NOPCHAP1: variants seen among roughly 807,000 people sequenced by gnomAD.
The protein encoded by NOPCHAP1 is NOP protein chaperone 1.
In NOPCHAP1, 13 loss-of-function variants were observed where a neutral mutation model predicts 14.0. The observed-to-expected ratio is 0.93, with a 90% confidence interval of 0.60 to 1.47. The LOEUF is 1.47. Among genes scored for constraint, NOPCHAP1 ranks in the 40% most tolerant of loss-of-function variants. The probability of loss-of-function intolerance (pLI) is 0.00; values close to 1 mark genes in which losing one functional copy is unlikely to be tolerated. For synonymous variants in NOPCHAP1, 78 were observed against 78.4 expected (o/e 1.00, Z 0.03); for missense variants, 230 against 226.9 (o/e 1.01, Z -0.09).
At position 105,005,731 on chromosome 12, in the gene NOPCHAP1, A is replaced by G. The variant is rs7134342; in HGVS notation, c.*11035A>G. 47,776 of 152,118 alleles carry G rather than the reference A, an allele frequency of 0.31. 9,073 individuals are homozygous for G. The highest frequency in any genetic ancestry group is 0.53 in the African/African-American group (21,880 of 41,462). 9.4% of individuals were successfully genotyped at this position (152,118 alleles called of 1,614,324 possible). ...AGGAAGTCAGTGCGAATTGGCCTTAAGTTCCCTGCCTCCAGGCCCTATTCT... is the reference window on the plus strand; with the variant it reads ...AGGAAGTCAGTGCGAATTGGCCTTAGGTTCCCTGCCTCCAGGCCCTATTCT... On this transcript the variant is annotated 3_prime_UTR_variant, in exon 4 of 4. Coordinates refer to ENST00000552951, the MANE Select transcript of NOPCHAP1 (RefSeq NM_152318.3).
In NOPCHAP1 at chr12:105,001,584, C is replaced by T. The variant is rs1873611811; in HGVS notation, c.*6888C>T. 2 of 152,292 alleles carry T rather than the reference C, an allele frequency of 1.3e-5. No individual in the cohort carries two copies. The highest frequency in any genetic ancestry group is 4.1e-4 in the South Asian group (2 of 4,824). The allele number at this position is 152,292 out of a possible 1,614,324, so 9.4% of individuals were successfully genotyped here. A position where few individuals can be genotyped will look rare whatever the true frequency, so the allele number is the denominator to read the frequency against. ...CCTCTGAAAGAGAATTTTATATGCCCTTTTGCCTTGGAGAGCAAGTCTTGC... is the reference window on the plus strand; with the variant it reads ...CCTCTGAAAGAGAATTTTATATGCCTTTTTGCCTTGGAGAGCAAGTCTTGC... On this transcript the variant is annotated 3_prime_UTR_variant, in exon 4 of 4. Coordinates refer to ENST00000552951, the MANE Select transcript of NOPCHAP1 (RefSeq NM_152318.3).
rs1873729146 is a variant in NOPCHAP1 at position 105,007,438 on chromosome 12, T to C, written c.*12742T>C. On this transcript the variant is annotated 3_prime_UTR_variant, in exon 4 of 4. Coordinates refer to ENST00000552951, the MANE Select transcript of NOPCHAP1 (RefSeq NM_152318.3). ...TAATGTCATGACTTTTCTCTGCTTC[T>C]TGGAAGAAATTCCAACATCACTAGT... The C allele has an allele frequency of 6.6e-6, 1 of 152,220 alleles. No individual in the cohort carries two copies. The highest frequency in any genetic ancestry group is 2.4e-5 in the African/African-American group (1 of 41,446). The allele number at this position is 152,220 out of a possible 1,614,324, so 9.4% of individuals were successfully genotyped here.
intron 1 of NOPCHAP1, among the ~76,000 whole-genome samples, chr12:104,987,547 CGGGTATTAGAAATA>C (rs1452411623): frequency 1.3e-5 from 2 of 152,054 alleles, no homozygotes; most frequent in African/African-American, 2.4e-5. Flanking sequence ...AGGGATTTTC[CGGGTATTAGAAATA>C]GGGTGTGCAA....
intron 2 of NOPCHAP1, among the ~76,000 whole-genome samples, chr12:104,988,581 T>A (rs1347008116): frequency 1.3e-5 from 2 of 152,160 alleles, no homozygotes; most frequent in Admixed American, 6.5e-5. Flanking sequence ...CACAACCACA[T>A]CCCATTGAAT....
In NOPCHAP1 at chr12:105,003,902, G is replaced by A. The variant is rs965227491; in HGVS notation, c.*9206G>A. On this transcript the variant is annotated 3_prime_UTR_variant, in exon 4 of 4. Coordinates refer to ENST00000552951, the MANE Select transcript of NOPCHAP1 (RefSeq NM_152318.3). ...GCCTATGACTGGCTGAAGCTCACCT[G>A]TTTCTGTCTGGCTTAAACCTAGCTA... 5.3e-5 allele frequency: 8 copies of A among 152,306 alleles called. No individual in the cohort carries two copies. The highest frequency in any genetic ancestry group is 3.4e-3 in the Middle Eastern group (1 of 294). The allele number at this position is 152,306 out of a possible 1,614,324, so 9.4% of individuals were successfully genotyped here. A position where few individuals can be genotyped will look rare whatever the true frequency, so the allele number is the denominator to read the frequency against.
rs970988124 is a variant in NOPCHAP1 at position 104,996,719 on chromosome 12, C to T, written c.*2023C>T. The T allele has an allele frequency of 1.9e-4, 29 of 152,134 alleles. No homozygotes were observed. Among genetic ancestry groups the T allele is most frequent in the African/African-American group, 5.1e-4 (21 of 41,412 alleles). The allele number at this position is 152,134 out of a possible 1,614,324, so 9.4% of individuals were successfully genotyped here. ...CTGTCAGTGGGGTGTTAAAGTCTCC[C>T]ACTATTATCTAGCTCTCTTTGTAGG... On this transcript the variant is annotated 3_prime_UTR_variant, in exon 4 of 4. Coordinates refer to ENST00000552951, the MANE Select transcript of NOPCHAP1 (RefSeq NM_152318.3).
chr12:104,996,787 G>A lies in NOPCHAP1; in HGVS notation c.*2091G>A, dbSNP rs1209677509. 6.6e-6 allele frequency: 1 copy of A among 152,064 alleles called. No homozygotes were observed. The highest frequency in any genetic ancestry group is 1.5e-5 in the Non-Finnish European group (1 of 68,012). The allele number at this position is 152,064 out of a possible 1,614,324, so 9.4% of individuals were successfully genotyped here. A position where few individuals can be genotyped will look rare whatever the true frequency, so the allele number is the denominator to read the frequency against. ...TATGAATCTGGGTGCTTCTCTGTTGGGTGCATGTATGTTTAGGATAGTTAG... is the reference window on the plus strand; with the variant it reads ...TATGAATCTGGGTGCTTCTCTGTTGAGTGCATGTATGTTTAGGATAGTTAG... On this transcript the variant is annotated 3_prime_UTR_variant, in exon 4 of 4. Transcript: ENST00000552951.
rs538963565 is a variant in NOPCHAP1 at position 104,994,698 on chromosome 12, C to T, written c.*2C>T. On this transcript the variant is annotated 3_prime_UTR_variant, in exon 4 of 4. Coordinates refer to ENST00000552951, the MANE Select transcript of NOPCHAP1 (RefSeq NM_152318.3). ...CCAGCAAGTAAAAAAAAGAAATAGT[C>T]AAATAAATTATCTGAAAAGAAACAG... 2 of 1,595,318 alleles carry T rather than the reference C, an allele frequency of 1.3e-6. No homozygotes were observed. The highest frequency in any genetic ancestry group is 4.5e-5 in the East Asian group (2 of 44,742).
In NOPCHAP1 at chr12:105,016,829, T is replaced by C. The variant is rs1200064991; in HGVS notation, c.*22133T>C. 6.6e-6 allele frequency: 1 copy of C among 152,052 alleles called. No individual in the cohort carries two copies. Among genetic ancestry groups the C allele is most frequent in the Non-Finnish European group, 1.5e-5 (1 of 67,998 alleles). 9.4% of individuals were successfully genotyped at this position (152,052 alleles called of 1,614,324 possible). A position where few individuals can be genotyped will look rare whatever the true frequency, so the allele number is the denominator to read the frequency against. The stretch of plus-strand genomic sequence containing the variant: ...AGTATGTTATGGCCTTATATAAAAG[T>C]TGTTTTGTTTGTAAGCAGTTTGCCC... On this transcript the variant is annotated 3_prime_UTR_variant, in exon 4 of 4. Coordinates refer to ENST00000552951, the MANE Select transcript of NOPCHAP1 (RefSeq NM_152318.3).
Position 105,007,321 on chromosome 12 carries a change from C to T in NOPCHAP1, c.*12625C>T, listed in dbSNP as rs1213333667. On this transcript the variant is annotated 3_prime_UTR_variant, in exon 4 of 4. Transcript: ENST00000552951. ...TTTCCTTTTCTTTTTAACAATGGTC[C>T]TGATGCTGGATTCATTTATCTTGAA... is the stretch of plus-strand genomic sequence containing the variant. 1 of 152,136 alleles carries T rather than the reference C, an allele frequency of 6.6e-6. No individual in the cohort carries two copies. Among genetic ancestry groups the T allele is most frequent in the Non-Finnish European group, 1.5e-5 (1 of 68,026 alleles). The allele number at this position is 152,136 out of a possible 1,614,324, so 9.4% of individuals were successfully genotyped here.
rs1355902829 is a variant in NOPCHAP1, at chr12:105,014,865, ATTC to A, written c.*20172_*20174del. 6.6e-6 allele frequency: 1 copy of A among 152,048 alleles called. No individual in the cohort carries two copies. The highest frequency in any genetic ancestry group is 1.5e-5 in the Non-Finnish European group (1 of 67,988). 9.4% of individuals were successfully genotyped at this position (152,048 alleles called of 1,614,324 possible). A position where few individuals can be genotyped will look rare whatever the true frequency, so the allele number is the denominator to read the frequency against. On this transcript the variant is annotated 3_prime_UTR_variant, in exon 4 of 4. Transcript: ENST00000552951. ...CAGGCTGGAGTTGCCTTTCTGCCCTATTCTTGGTTTTATTAAGTTTATTTGGGA... is the reference window on the plus strand; with the variant it reads ...CAGGCTGGAGTTGCCTTTCTGCCCTATTGGTTTTATTAAGTTTATTTGGGA...
At chr12:104,990,973 G>T (rs1316881257) in intron 2 of NOPCHAP1, among the ~76,000 whole-genome samples, 1 of 152,150 alleles carries the variant, frequency 6.6e-6, no homozygotes, top group Non-Finnish European at 1.5e-5. Flanking sequence ...GCTTTCCTGG[G>T]TATTGGCCTA....
chr12:104,996,508 G>C lies in NOPCHAP1; in HGVS notation c.*1812G>C, dbSNP rs1170798292. On this transcript the variant is annotated 3_prime_UTR_variant, in exon 4 of 4. Coordinates refer to ENST00000552951, the MANE Select transcript of NOPCHAP1 (RefSeq NM_152318.3). ...GTGCCCAATAGGTAGTTTTAAATCT[G>C]CACCCTCCTCCCACCCTCCATCCTC... is the stretch of plus-strand genomic sequence containing the variant. 4 of 151,884 alleles carry C rather than the reference G, an allele frequency of 2.6e-5. No homozygotes were observed. Among genetic ancestry groups the C allele is most frequent in the Admixed American group, 2.0e-4 (3 of 15,248 alleles). 9.4% of individuals were successfully genotyped at this position (151,884 alleles called of 1,614,324 possible).
In NOPCHAP1 at chr12:105,006,568, C is replaced by T. The variant is rs993531787; in HGVS notation, c.*11872C>T. ...ATGGAACCAATCCAGACAAAGGGGTCTTGTCCAAGCCTTTTTGTTGTAAAC... is the reference window on the plus strand; with the variant it reads ...ATGGAACCAATCCAGACAAAGGGGTTTTGTCCAAGCCTTTTTGTTGTAAAC... On this transcript the variant is annotated 3_prime_UTR_variant, in exon 4 of 4. Coordinates refer to ENST00000552951, the MANE Select transcript of NOPCHAP1 (RefSeq NM_152318.3). The T allele has an allele frequency of 6.6e-6, 1 of 152,198 alleles. No individual in the cohort carries two copies. Among genetic ancestry groups the T allele is most frequent in the Non-Finnish European group, 1.5e-5 (1 of 68,028 alleles). The allele number at this position is 152,198 out of a possible 1,614,324, so 9.4% of individuals were successfully genotyped here.
rs1873907311 is a variant in NOPCHAP1 at position 105,014,517 on chromosome 12, T to C, written c.*19821T>C. ...TTCAAGTGTCACCTGTATTTAGCTA[T>C]TCTCAAACATACCTATTTTTATTTT... On this transcript the variant is annotated 3_prime_UTR_variant, in exon 4 of 4. Coordinates refer to ENST00000552951, the MANE Select transcript of NOPCHAP1 (RefSeq NM_152318.3). The C allele has an allele frequency of 6.6e-6, 1 of 152,244 alleles. No homozygotes were observed. Among genetic ancestry groups the C allele is most frequent in the South Asian group, 2.1e-4 (1 of 4,834 alleles). The allele number at this position is 152,244 out of a possible 1,614,324, so 9.4% of individuals were successfully genotyped here.
chr12:104,990,965 T>C (rs1383647136), intron 2 of NOPCHAP1, among the ~76,000 whole-genome samples: 1 of 152,200 alleles, frequency 6.6e-6, no homozygotes, highest in Non-Finnish European at 1.5e-5. Context: ...TTAGTTCTGC[T>C]TTCCTGGGTA....
intron 3 of NOPCHAP1, 100 bp downstream of exon 3, chr12:104,991,948 G>C: frequency 2.2e-6 from 3 of 1,373,484 alleles, no homozygotes; most frequent in Non-Finnish European, 2.9e-6. Context: ...CATTTTCCTG[G>C]TGTTAGCTCA....
At position 105,015,264 on chromosome 12, in the gene NOPCHAP1, A is replaced by G. The variant is rs1873923118; in HGVS notation, c.*20568A>G. On this transcript the variant is annotated 3_prime_UTR_variant, in exon 4 of 4. Transcript: ENST00000552951. ...GGTACTTATTTAAAGATTTTCTTCCACTGGATGCTATGCTACCTTGTGTGA... is the reference window on the plus strand; with the variant it reads ...GGTACTTATTTAAAGATTTTCTTCCGCTGGATGCTATGCTACCTTGTGTGA... 1 of 152,196 alleles carries G rather than the reference A, an allele frequency of 6.6e-6. No homozygotes were observed. Among genetic ancestry groups the G allele is most frequent in the Non-Finnish European group, 1.5e-5 (1 of 68,042 alleles). The allele number at this position is 152,196 out of a possible 1,614,324, so 9.4% of individuals were successfully genotyped here.
chr12:104,992,326 A>G (rs1565938844), intron 3 of NOPCHAP1, among the ~76,000 whole-genome samples: 3 of 152,228 alleles, frequency 2.0e-5, no homozygotes, highest in Admixed American at 6.5e-5. Context: ...TAGCCATTCT[A>G]TTCAGCTCTC....
Sources: allele counts gnomAD v4.1 joint callset (sites outside exome capture counted in the v4.1 genomes callset), GRCh38; gene constraint gnomAD v4.1.1; transcripts MANE v1.5; gene names NCBI Gene and HGNC (gene_info 2026-07-23, HGNC 2026-07-21).